Variants in UBAP1L observed in about 807,000 individuals in gnomAD.
The protein encoded by UBAP1L is ubiquitin-associated protein 1-like.
Under a neutral mutation model 32.1 loss-of-function variants are expected in UBAP1L, and 32 were observed. The ratio of observed to expected loss-of-function variants is 1.00; its 90% CI spans 0.75 to 1.34. UBAP1L has a LOEUF of 1.34. Among genes scored for constraint, UBAP1L ranks in the 40% most tolerant of loss-of-function variants. The pLI is 0.00. For missense variants in UBAP1L, 516 were observed against 540.5 expected, an observed-to-expected ratio of 0.95 and a Z score of 0.45; for synonymous variants, 243 against 250.2, an observed-to-expected ratio of 0.97 and a Z score of 0.27.
At chr15:65,101,196 G>GCCT (rs1198194761) in intron 3 of UBAP1L, 1 of 152,240 alleles carries the variant, frequency 6.6e-6, no homozygotes, top group Non-Finnish European at 1.5e-5. Flanking sequence ...GCATCTCCTG[G>GCCT]CCTGACTGTG....
At chr15:65,101,194 T>A (rs1256435112) in intron 3 of UBAP1L, 1 of 152,278 alleles carries the variant, frequency 6.6e-6, no homozygotes, top group Non-Finnish European at 1.5e-5. Context: ...CAGCATCTCC[T>A]GGCCTGACTG....
At chr15:65,096,841 G>A (rs569551874) in intron 4 of UBAP1L, 2 of 152,446 alleles carry the variant, frequency 1.3e-5, no homozygotes, top group Non-Finnish European at 2.9e-5. Flanking sequence ...TTCTCTCCCT[G>A]ACTCTTCTAG....
Position 65,095,994 on chromosome 15 carries a change from G to T in UBAP1L, c.910-1418C>A, listed in dbSNP as rs2087169135. 2.6e-5 allele frequency: 4 copies of T among 152,326 alleles called. No individual in the cohort carries two copies. In the South Asian group the frequency reaches 8.3e-4, roughly 32 times the overall value. 9.4% of individuals were successfully genotyped at this position (152,326 alleles called of 1,614,324 possible). On this transcript the variant is annotated intron_variant, in intron 4 of 5. Transcript: ENST00000559089. Reference sequence around the variant, plus strand: ...AGGAAACTGAGGTTCAGGCAAGGCAGGTGCCTTGTCCGGGGTCCCAGGACT... The same window carrying T: ...AGGAAACTGAGGTTCAGGCAAGGCATGTGCCTTGTCCGGGGTCCCAGGACT...
chr15:65,099,050 T>C (rs2087208853), intron 4 of UBAP1L: 1 of 153,784 alleles, frequency 6.5e-6, no homozygotes, highest in Admixed American at 6.5e-5. Context: ...CTCAGAGTGC[T>C]GTCCTTGGAG....
At chr15:65,099,819 G>A in intron 3 of UBAP1L, 105 bp from the exon 4 acceptor site, 7 of 946,870 alleles carry the variant, frequency 7.4e-6, no homozygotes, top group Non-Finnish European at 6.3e-6. Flanking sequence ...TGTACAGAGT[G>A]TAGGGGCTAA....
intron 2 of UBAP1L, chr15:65,104,849 T>G (rs2087286863): frequency 2.9e-6 from 1 of 343,556 alleles, no homozygotes; most frequent in African/African-American, 2.2e-5. Flanking sequence ...CTACTAAAAA[T>G]ACAAAAAATT....
chr15:65,102,676 G>T lies in UBAP1L; in HGVS notation c.129C>A (p.Phe43Leu). Reference protein sequence around the residue: ...GEVLLGSMHDFSLERTALFWV... With the variant: ...GEVLLGSMHDLSLERTALFWV... ...AGAAGAGTGCCGTCCTCTCCAGGCT[G>T]AAGTCGTGCTGCGGAAAGAAGGCGA... Residue 43 changes from phenylalanine to leucine, a missense_variant, in exon 3 of 6, where the codon TTC becomes TTA. Physicochemically the swap from Phe to Leu is conservative, Grantham distance 22. Coordinates refer to ENST00000559089, the MANE Select transcript of UBAP1L (RefSeq NM_001163692.2). This position sits in a 1 kb window ranked among gnomAD's most constrained non-coding sequence, Gnocchi z 5.0. 1 of 1,547,254 alleles carries T rather than the reference G, an allele frequency of 6.5e-7. No individual in the cohort carries two copies. The highest frequency in any genetic ancestry group is 8.7e-7 in the Non-Finnish European group (1 of 1,146,678).
At chr15:65,108,771 A>AT (rs942788283) in intron 1 of UBAP1L, among the ~76,000 whole-genome samples, 10 of 151,322 alleles carry the variant, frequency 6.6e-5, no homozygotes, top group African/African-American at 2.2e-4. Flanking sequence ...AAATAAATAA[A>AT]TAAATAAATT....
intron 2 of UBAP1L, chr15:65,105,705 G>T: frequency 1.4e-6 from 1 of 693,782 alleles, no homozygotes; most frequent in East Asian, 2.8e-5. Flanking sequence ...GAAATAGTGT[G>T]TACCATTCTG....
chr15:65,104,972 A>G (rs986938692), intron 2 of UBAP1L: 8 of 287,450 alleles, frequency 2.8e-5, no homozygotes, highest in Middle Eastern at 1.3e-3. Flanking sequence ...GCGCCACTGC[A>G]CTCCAGCCTG....
Position 65,094,836 on chromosome 15 carries a change from G to T in UBAP1L, c.910-260C>A. 1 of 524,450 alleles carries T rather than the reference G, an allele frequency of 1.9e-6. No individual in the cohort carries two copies. The highest frequency in any genetic ancestry group is 3.5e-6 in the Non-Finnish European group (1 of 288,626). The allele number at this position is 524,450 out of a possible 1,614,324, so 32.5% of individuals were successfully genotyped here. On this transcript the variant is annotated intron_variant, in intron 4 of 5. Coordinates refer to ENST00000559089, the MANE Select transcript of UBAP1L (RefSeq NM_001163692.2). This position sits in a 1 kb window ranked among gnomAD's most constrained non-coding sequence, Gnocchi z 4.2. ...GGACTCCAGGAAAAGGGCTGTCAGGGTGGGCTAGGGTGTTCATAGAACCTA... is the reference window on the plus strand; with the variant it reads ...GGACTCCAGGAAAAGGGCTGTCAGGTTGGGCTAGGGTGTTCATAGAACCTA...
chr15:65,106,617 C>T (rs1595922549), intron 1 of UBAP1L, among the ~76,000 whole-genome samples: 2 of 149,670 alleles, frequency 1.3e-5, no homozygotes, highest in Admixed American at 1.4e-4. Context: ...CTTTCTAACT[C>T]ATTTTGATTT....
intron 1 of UBAP1L, among the ~76,000 whole-genome samples, chr15:65,112,365 G>A (rs1362695929): frequency 6.6e-6 from 1 of 152,204 alleles, no homozygotes; most frequent in Non-Finnish European, 1.5e-5. Flanking sequence ...AGTGGGCAAA[G>A]TGTGGAAGAG....
Position 65,094,804 on chromosome 15 carries a change from G to A in UBAP1L, c.910-228C>T, listed in dbSNP as rs971676686. The A allele has an allele frequency of 1.8e-6, 1 of 571,186 alleles. No individual in the cohort carries two copies. The highest frequency in any genetic ancestry group is 2.9e-5 in the Admixed American group (1 of 33,966). 35.4% of individuals were successfully genotyped at this position (571,186 alleles called of 1,614,324 possible). ...GGGTCTTCACCAACTATGCCAAGCT[G>A]GGGGCTGGACTCCAGGAAAAGGGCT... On this transcript the variant is annotated intron_variant, in intron 4 of 5. Transcript: ENST00000559089. The surrounding 1 kb of genome is among the most constrained non-coding windows in gnomAD (Gnocchi z 4.2).
At chr15:65,096,641 C>T (rs2087177119) in intron 4 of UBAP1L, 1 of 152,218 alleles carries the variant, frequency 6.6e-6, no homozygotes, top group Non-Finnish European at 1.5e-5. Context: ...CGGAGGGGGC[C>T]CCCGGAAGTC....
chr15:65,114,788 T>C (rs1011102719), intron 1 of UBAP1L, among the ~76,000 whole-genome samples: 2 of 152,226 alleles, frequency 1.3e-5, no homozygotes, highest in Non-Finnish European at 1.5e-5. Context: ...TTATGCACTC[T>C]AACACCACTT....
chr15:65,106,017 T>G, intron 2 of UBAP1L, 79 bp downstream of exon 2: 1 of 1,521,770 alleles, frequency 6.6e-7, no homozygotes, highest in Non-Finnish European at 8.8e-7. Context: ...AGCTGTCCTT[T>G]AAATTCAAGG....
chr15:65,095,252 C>T (rs2087159962), intron 4 of UBAP1L: 1 of 152,514 alleles, frequency 6.6e-6, no homozygotes, highest in South Asian at 2.1e-4. Context: ...CTCCAGGTCT[C>T]TGCAGATGCA....
chr15:65,112,676 GTTCTC>G (rs1294539172), intron 1 of UBAP1L, among the ~76,000 whole-genome samples: 1 of 152,146 alleles, frequency 6.6e-6, no homozygotes, highest in Non-Finnish European at 1.5e-5. Context: ...AAATTCTCCA[GTTCTC>G]TTCTGAGATC....
Sources: allele counts gnomAD v4.1 joint callset (sites outside exome capture counted in the v4.1 genomes callset), GRCh38; gene constraint gnomAD v4.1.1; non-coding constraint Gnocchi (gnomAD v3.1); transcripts MANE v1.5; gene names NCBI Gene and HGNC (gene_info 2026-07-23, HGNC 2026-07-21).